The following DOK6 variants were observed in gnomAD, a reference collection of about 807,000 sequenced individuals.
DOK6 encodes docking protein 6, also known as downstream of tyrosine kinase 6.
DOK6 carries 22 observed loss-of-function variants against 44.0 expected under a neutral mutation model. The observed-to-expected ratio is 0.50, with a 90% confidence interval of 0.36 to 0.71. The LOEUF is 0.71. Ranked by LOEUF, DOK6 falls within the 30% of genes least tolerant of loss-of-function variation. DOK6 has a pLI of 0.00. For synonymous variants in DOK6, 166 were observed against 145.5 expected (o/e 1.14, Z -1.01); for missense variants, 340 against 416.4 (o/e 0.82, Z 1.60).
At chr18:69,801,206 C>T (rs1191910358) in intron 7 of DOK6, among the ~76,000 whole-genome samples, 2 of 151,966 alleles carry the variant, frequency 1.3e-5, no homozygotes, top group Non-Finnish European at 2.9e-5. Flanking sequence ...TGGGCATTTT[C>T]CCCAATCATG....
chr18:69,796,507 G>A (rs919409775), intron 7 of DOK6, among the ~76,000 whole-genome samples: 1 of 152,184 alleles, frequency 6.6e-6, no homozygotes, highest in South Asian at 2.1e-4. Context: ...TACTTTGTCA[G>A]TAAGAGTTCT....
rs1432281803 is a variant in DOK6, at chr18:69,843,974, T to A, written c.*2591T>A. ...TAATATCCTTGACACGAAGCAGGGT[T>A]CATTGTAATAAAAACGGCAAACAGA... On this transcript the variant is annotated 3_prime_UTR_variant, in exon 8 of 8. Transcript: ENST00000382713. 6.6e-6 allele frequency: 1 copy of A among 152,154 alleles called. No individual in the cohort carries two copies. Among genetic ancestry groups the A allele is most frequent in the Non-Finnish European group, 1.5e-5 (1 of 68,030 alleles). The allele number at this position is 152,154 out of a possible 1,614,324, so 9.4% of individuals were successfully genotyped here. A position where few individuals can be genotyped will look rare whatever the true frequency, so the allele number is the denominator to read the frequency against.
At chr18:69,612,955 C>T (rs1424081522) in intron 3 of DOK6, among the ~76,000 whole-genome samples, 1 of 151,088 alleles carries the variant, frequency 6.6e-6, no homozygotes, top group Non-Finnish European at 1.5e-5. Flanking sequence ...GATCATGGCT[C>T]ACTGCAGCCT....
intron 1 of DOK6, among the ~76,000 whole-genome samples, chr18:69,532,472 A>G (rs1982012064): frequency 6.6e-6 from 1 of 152,238 alleles, no homozygotes; most frequent in Non-Finnish European, 1.5e-5. Context: ...GTACTTACCC[A>G]GTCAAAAATC....
At chr18:69,574,743 C>A (rs778412080) in intron 2 of DOK6, among the ~76,000 whole-genome samples, 16 of 151,598 alleles carry the variant, frequency 1.1e-4, no homozygotes, top group Non-Finnish European at 1.6e-4. Context: ...TAGGCAATAG[C>A]GAAGTTGTGA....
chr18:69,723,814 C>A (rs1978294098), intron 5 of DOK6, among the ~76,000 whole-genome samples: 1 of 152,166 alleles, frequency 6.6e-6, no homozygotes, highest in Non-Finnish European at 1.5e-5. Context: ...CAGCCACAGA[C>A]TTGGAGGTCA....
intron 1 of DOK6, among the ~76,000 whole-genome samples, chr18:69,510,272 T>C (rs1981328780): frequency 6.6e-6 from 1 of 152,246 alleles, no homozygotes; most frequent in African/African-American, 2.4e-5. Context: ...TATATTCTTT[T>C]TGGTGCTATT....
At chr18:69,488,600 G>A (rs1191887129) in intron 1 of DOK6, among the ~76,000 whole-genome samples, 3 of 152,196 alleles carry the variant, frequency 2.0e-5, no homozygotes, top group Non-Finnish European at 2.9e-5. Context: ...TGAAGGAGGA[G>A]CAAAGTCCTG....
chr18:69,564,884 T>A (rs1169509011), intron 2 of DOK6, among the ~76,000 whole-genome samples: 1 of 152,156 alleles, frequency 6.6e-6, no homozygotes, highest in Non-Finnish European at 1.5e-5. Context: ...TTTCTCTCTA[T>A]TGAGGTTAAT....
intron 5 of DOK6, among the ~76,000 whole-genome samples, chr18:69,714,052 C>G (rs1231837031): frequency 6.6e-6 from 1 of 152,160 alleles, no homozygotes; most frequent in Non-Finnish European, 1.5e-5. Flanking sequence ...GGAGGTGATG[C>G]AGTCTCATCT....
At chr18:69,432,175 G>T (rs1978824538) in intron 1 of DOK6, among the ~76,000 whole-genome samples, 1 of 152,146 alleles carries the variant, frequency 6.6e-6, no homozygotes, top group South Asian at 2.1e-4. Context: ...GGGCATGGTG[G>T]CCCATGCCTG....
intron 3 of DOK6, among the ~76,000 whole-genome samples, chr18:69,606,145 G>A (rs1443533513): frequency 4.0e-5 from 6 of 151,824 alleles, no homozygotes; most frequent in Admixed American, 3.3e-4. Context: ...GGTGGTGCAT[G>A]CCCGTAGTCC....
At chr18:69,472,589 A>C (rs1042363825) in intron 1 of DOK6, among the ~76,000 whole-genome samples, 10 of 152,144 alleles carry the variant, frequency 6.6e-5, no homozygotes, top group Admixed American at 6.6e-4. Context: ...CAGGAGAGGA[A>C]GTTCTCCAAC....
chr18:69,464,050 T>A (rs1979861467), intron 1 of DOK6, among the ~76,000 whole-genome samples: 1 of 152,216 alleles, frequency 6.6e-6, no homozygotes, highest in Admixed American at 6.5e-5. Context: ...AGCATAAAGA[T>A]CTGGACCGTC....
At chr18:69,601,255 A>G (rs1983864006) in intron 3 of DOK6, among the ~76,000 whole-genome samples, 1 of 152,176 alleles carries the variant, frequency 6.6e-6, no homozygotes, top group South Asian at 2.1e-4. Context: ...CCAATGGCCC[A>G]ATTGAAAGCA....
chr18:69,522,509 A>G (rs1345501757), intron 1 of DOK6, among the ~76,000 whole-genome samples: 1 of 152,056 alleles, frequency 6.6e-6, no homozygotes, highest in Non-Finnish European at 1.5e-5. Flanking sequence ...TTACATACTT[A>G]TGGATGGATA....
chr18:69,815,922 T>C (rs1981385918), intron 7 of DOK6, among the ~76,000 whole-genome samples: 1 of 152,174 alleles, frequency 6.6e-6, no homozygotes, highest in African/African-American at 2.4e-5. Context: ...GCCAGTTATA[T>C]GCTTATCCAC....
intron 1 of DOK6, among the ~76,000 whole-genome samples, chr18:69,465,118 A>G (rs1482956861): frequency 6.6e-6 from 1 of 152,122 alleles, no homozygotes; most frequent in African/African-American, 2.4e-5. Context: ...TACATACACA[A>G]CTGGAAGTCA....
intron 7 of DOK6, among the ~76,000 whole-genome samples, chr18:69,762,004 G>A (rs1278884523): frequency 1.3e-5 from 2 of 152,080 alleles, no homozygotes; most frequent in Non-Finnish European, 1.5e-5. Context: ...GTATTAAAAA[G>A]CTTTAGAACA....
Sources: allele counts gnomAD v4.1 joint callset (sites outside exome capture counted in the v4.1 genomes callset), GRCh38; gene constraint gnomAD v4.1.1; transcripts MANE v1.5; gene names NCBI Gene and HGNC (gene_info 2026-07-23, HGNC 2026-07-21).